SLC1A2: variants seen among roughly 807,000 people sequenced by gnomAD.
SLC1A2 encodes the protein solute carrier family 1 member 2, also known as excitatory amino acid transporter 2.
A neutral mutation model predicts 48.8 loss-of-function variants in SLC1A2; 15 were observed. The observed-to-expected ratio is 0.31, with a 90% CI of 0.21 to 0.47. SLC1A2 has a LOEUF of 0.47. Among genes scored for constraint, SLC1A2 ranks in the 20% least tolerant of loss-of-function variants. SLC1A2 has a pLI of 0.99. For synonymous variants in SLC1A2, 279 were observed against 272.6 expected (o/e 1.02, Z -0.23); for missense variants, 502 against 730.5 (o/e 0.69, Z 3.61).
intron 1 of SLC1A2, among the ~76,000 whole-genome samples, chr11:35,375,414 C>A (rs1178730021): frequency 6.6e-6 from 1 of 152,182 alleles, no homozygotes; most frequent in Non-Finnish European, 1.5e-5. Flanking sequence ...AGGACAAAAA[C>A]CCCCAGAACA....
At chr11:35,275,400 T>C (rs137857680) in intron 9 of SLC1A2, among the ~76,000 whole-genome samples, 2 of 152,324 alleles carry the variant, frequency 1.3e-5, no homozygotes, top group African/African-American at 4.8e-5. Flanking sequence ...TGGCTCCCAT[T>C]TACCACTCCA....
At chr11:35,281,058 C>A in intron 8 of SLC1A2, 57 bp from the exon 9 acceptor site, 1 of 1,479,026 alleles carries the variant, frequency 6.8e-7, no homozygotes, top group Non-Finnish European at 9.0e-7. Context: ...GCAAAACCAA[C>A]CCTGGCAATT....
chr11:35,341,758 T>A (rs1424989682), intron 1 of SLC1A2, among the ~76,000 whole-genome samples: 1 of 152,230 alleles, frequency 6.6e-6, no homozygotes, highest in Non-Finnish European at 1.5e-5. Flanking sequence ...CATCCCAAAA[T>A]GTTTTTCTTA....
chr11:35,344,757 C>T (rs541091470), intron 1 of SLC1A2, among the ~76,000 whole-genome samples: 1 of 152,136 alleles, frequency 6.6e-6, no homozygotes, highest in East Asian at 1.9e-4. Context: ...GAATGGGAGA[C>T]CCTTCCTGCT....
intron 9 of SLC1A2, among the ~76,000 whole-genome samples, chr11:35,267,487 G>A (rs1340575884): frequency 1.3e-5 from 2 of 152,068 alleles, no homozygotes; most frequent in African/African-American, 2.4e-5. Context: ...ATTATAAATT[G>A]TATCAAGTCA....
chr11:35,278,752 C>T (rs1443477175), intron 9 of SLC1A2, among the ~76,000 whole-genome samples: 2 of 152,100 alleles, frequency 1.3e-5, no homozygotes, highest in Non-Finnish European at 2.9e-5. Flanking sequence ...GGCACAGTGG[C>T]TCACCCGTGT....
At chr11:35,394,521 A>T (rs1462769189) in intron 1 of SLC1A2, among the ~76,000 whole-genome samples, 1 of 152,240 alleles carries the variant, frequency 6.6e-6, no homozygotes, top group African/African-American at 2.4e-5. Context: ...TTTGGCCTTT[A>T]GAAAAACGAC....
chr11:35,290,249 A>T (rs973577712), intron 7 of SLC1A2, among the ~76,000 whole-genome samples: 1 of 152,180 alleles, frequency 6.6e-6, no homozygotes, highest in African/African-American at 2.4e-5. Context: ...CCTTGCAGAG[A>T]TGTATTTGTA....
At chr11:35,270,526 A>T (rs1850253120) in intron 9 of SLC1A2, among the ~76,000 whole-genome samples, 1 of 152,234 alleles carries the variant, frequency 6.6e-6, no homozygotes, top group African/African-American at 2.4e-5. Context: ...TAAGGGCACT[A>T]TGCCAATTGC....
chr11:35,343,644 A>T (rs1462004729), intron 1 of SLC1A2, among the ~76,000 whole-genome samples: 2 of 152,162 alleles, frequency 1.3e-5, no homozygotes, highest in African/African-American at 2.4e-5. Flanking sequence ...ACCAACCAGG[A>T]TGGAGGTCCC....
chr11:35,419,642 C>T (rs1050598158), upstream of SLC1A2: 1 of 160,712 alleles, frequency 6.2e-6, no homozygotes, highest in South Asian at 1.5e-4. This position sits in a 1 kb window ranked among gnomAD's most constrained non-coding sequence, Gnocchi z 5.4. Flanking sequence ...ATCCCTCCCC[C>T]CAGCCTCTCG....
At chr11:35,359,889 T>C (rs1020916673) in intron 1 of SLC1A2, among the ~76,000 whole-genome samples, 1 of 152,240 alleles carries the variant, frequency 6.6e-6, no homozygotes, top group Non-Finnish European at 1.5e-5. Context: ...AAAGCAAGTG[T>C]CTTTGCCAAA....
At chr11:35,334,840 TTTTGTTTTGTTTTGTTTTG>T (rs1852566369) in intron 1 of SLC1A2, among the ~76,000 whole-genome samples, 2 of 137,392 alleles carry the variant, frequency 1.5e-5, no homozygotes, top group African/African-American at 6.7e-5. Context: ...TTTTGTTTTG[TTTTGTTTTGTTTTGTTTTG>T]TTTTGTTTTG....
chr11:35,282,066 G>A (rs75012838), intron 8 of SLC1A2, among the ~76,000 whole-genome samples: 1,737 of 144,738 alleles, frequency 0.012, 33 homozygotes, highest in African/African-American at 0.041. Context: ...CTAATCTTAC[G>A]TTTGGAAGAT....
At chr11:35,315,631 T>G (rs1851849788) in intron 2 of SLC1A2, 1 of 155,254 alleles carries the variant, frequency 6.4e-6, no homozygotes, top group South Asian at 2.0e-4. Flanking sequence ...CCATCTCTAC[T>G]AAAAATACAA....
intron 1 of SLC1A2, among the ~76,000 whole-genome samples, chr11:35,373,636 C>G (rs1437131410): frequency 6.6e-6 from 1 of 152,174 alleles, no homozygotes; most frequent in Non-Finnish European, 1.5e-5. Context: ...TGTGCTGCAA[C>G]AAGGTGAGGG....
intron 1 of SLC1A2, chr11:35,322,932 C>A (rs1167222971): frequency 8.2e-6 from 5 of 607,484 alleles, no homozygotes; most frequent in Non-Finnish European, 1.2e-5. Context: ...TCCCTCCACC[C>A]TTCCTAGATC....
chr11:35,371,495 C>A (rs1421195940), intron 1 of SLC1A2, among the ~76,000 whole-genome samples: 1 of 152,154 alleles, frequency 6.6e-6, no homozygotes, highest in Non-Finnish European at 1.5e-5. Flanking sequence ...AGAATTGAAA[C>A]CTGAACCTGT....
At chr11:35,296,170 G>T (rs10742341) in intron 6 of SLC1A2, among the ~76,000 whole-genome samples, 2 of 151,684 alleles carry the variant, frequency 1.3e-5, no homozygotes, top group South Asian at 2.1e-4. Context: ...TTAACTCACT[G>T]GAATAATTCA....
Sources: gnomAD v4.1 joint callset for allele counts (sites outside exome capture counted in the v4.1 genomes callset) on GRCh38, gnomAD v4.1.1 for gene constraint, Gnocchi (gnomAD v3.1) non-coding constraint, MANE v1.5 for transcripts, NCBI Gene and HGNC (gene_info 2026-07-23, HGNC 2026-07-21) for gene names.